CDH23: variants seen among roughly 807,000 people sequenced by gnomAD.
CDH23 encodes the protein cadherin related 23.
CDH23 carries 189 observed loss-of-function variants against 317.1 expected under a neutral mutation model. That is an observed-to-expected ratio of 0.60 (90% CI 0.53 to 0.67). CDH23 has a LOEUF of 0.67. Ranked by LOEUF, CDH23 falls within the 30% of genes least tolerant of loss-of-function variation. The pLI is 0.00. For missense variants in CDH23, 4,401 were observed against 4,592.4 expected (o/e 0.96, Z 1.20); for synonymous variants, 1,839 against 1,876.8 (o/e 0.98, Z 0.52).
intron 3 of CDH23, among the ~76,000 whole-genome samples, chr10:71,483,943 C>T (rs1449192567): frequency 6.6e-6 from 1 of 152,206 alleles, no homozygotes; most frequent in African/African-American, 2.4e-5. Context: ...CACATTTTTA[C>T]ATCCTTGCTG....
chr10:71,559,022 A>G (rs1856998545), intron 6 of CDH23, among the ~76,000 whole-genome samples: 1 of 152,120 alleles, frequency 6.6e-6, no homozygotes, highest in South Asian at 2.1e-4. Flanking sequence ...TGGGGAAGGG[A>G]TCTGGGAGTC....
At chr10:71,579,374 C>T (rs1858465978) in intron 9 of CDH23, among the ~76,000 whole-genome samples, 1 of 152,102 alleles carries the variant, frequency 6.6e-6, no homozygotes, top group Admixed American at 6.5e-5. Context: ...TGGGTTTGGG[C>T]CTCTGCACCA....
intron 38 of CDH23, among the ~76,000 whole-genome samples, chr10:71,766,217 A>G (rs969309436): frequency 6.6e-6 from 1 of 152,234 alleles, no homozygotes; most frequent in Non-Finnish European, 1.5e-5. Context: ...GGAGACCGGG[A>G]AAAGTGGGTG....
intron 3 of CDH23, among the ~76,000 whole-genome samples, chr10:71,454,696 A>C (rs968724457): frequency 6.6e-6 from 1 of 152,130 alleles, no homozygotes; most frequent in Admixed American, 6.5e-5. Flanking sequence ...AGTCTCCAAA[A>C]AGAGGAGGGG....
intron 60 of CDH23, 47 bp downstream of exon 60, chr10:71,808,054 T>C: frequency 1.3e-6 from 2 of 1,554,340 alleles, no homozygotes; most frequent in South Asian, 2.4e-5. Flanking sequence ...GACCTCTCAG[T>C]CACTGCATGG....
chr10:71,761,561 C>T (rs1182256778), intron 38 of CDH23: 7 of 1,521,614 alleles, frequency 4.6e-6, no homozygotes, highest in South Asian at 2.5e-5. Context: ...GGCAGCCCTC[C>T]ACACACGCCA....
intron 6 of CDH23, among the ~76,000 whole-genome samples, chr10:71,565,699 T>C (rs903695325): frequency 1.3e-5 from 2 of 152,222 alleles, no homozygotes; most frequent in African/African-American, 4.8e-5. Context: ...TGTGCTAGAA[T>C]GTTTACACTC....
At chr10:71,478,074 C>T (rs1247544227) in intron 3 of CDH23, among the ~76,000 whole-genome samples, 1 of 152,174 alleles carries the variant, frequency 6.6e-6, no homozygotes, top group African/African-American at 2.4e-5. Context: ...AACTAGTCTC[C>T]TTGCTTTCAG....
chr10:71,626,745 C>T (rs1007931596), intron 11 of CDH23, among the ~76,000 whole-genome samples: 17 of 152,234 alleles, frequency 1.1e-4, no homozygotes, highest in Admixed American at 7.2e-4. Context: ...GGTTCGTACT[C>T]TCGGATGTAC....
chr10:71,739,925 G>A lies in CDH23; in HGVS notation c.4488+153G>A, dbSNP rs536587134. On this transcript the variant is annotated intron_variant, in intron 36 of 69. Transcript: ENST00000224721. ...TAACATGGGGCCAGCTGCACCCATC[G>A]GGGCCAAGAGCACAGTGAGGCTGAC... 2.4e-4 allele frequency among the ~76,000 whole-genome samples: 37 copies of A among 152,300 alleles called. No homozygotes were observed. In the South Asian group the frequency reaches 5.8e-3, roughly 24 times the overall value.
intron 14 of CDH23, among the ~76,000 whole-genome samples, chr10:71,673,981 TG>T (rs1281448566): frequency 6.6e-6 from 1 of 151,816 alleles, no homozygotes; most frequent in South Asian, 2.1e-4. Flanking sequence ...CTGGCTGGGG[TG>T]GTGGCGGGGA....
At chr10:71,685,056 A>T (rs569396119) in intron 18 of CDH23, among the ~76,000 whole-genome samples, 6 of 152,124 alleles carry the variant, frequency 3.9e-5, no homozygotes, top group Non-Finnish European at 7.4e-5. Flanking sequence ...AATGACTCCC[A>T]TGTTGACATG....
intron 8 of CDH23, among the ~76,000 whole-genome samples, chr10:71,575,270 A>G (rs1858107559): frequency 1.3e-5 from 2 of 152,154 alleles, no homozygotes; most frequent in Admixed American, 6.5e-5. Context: ...CTGAGTTGTC[A>G]TCAGATGCAC....
chr10:71,721,829 G>T (rs1049215696), intron 28 of CDH23, among the ~76,000 whole-genome samples: 5 of 152,204 alleles, frequency 3.3e-5, no homozygotes, highest in African/African-American at 1.2e-4. Context: ...ACAGCCCTCT[G>T]CTGTCCCTGC....
At chr10:71,461,093 C>G (rs1278362102) in intron 3 of CDH23, among the ~76,000 whole-genome samples, 1 of 152,226 alleles carries the variant, frequency 6.6e-6, no homozygotes, top group Non-Finnish European at 1.5e-5. Context: ...TTCAGTTCAG[C>G]TCAACTCTGT....
Position 71,815,067 on chromosome 10 carries a change from T to C in CDH23, c.9854T>C (p.Val3285Ala), listed in dbSNP as rs762447389. ...ELKGPDGIHVVHGSTGTLLAT... is the reference protein window; with the variant it reads ...ELKGPDGIHVAHGSTGTLLAT... Reference sequence around the variant, plus strand: ...AAGGGGCCCGATGGGATCCATGTGGTGCACGGCAGCACGGGCACGCTGCTG... The same window carrying C: ...AAGGGGCCCGATGGGATCCATGTGGCGCACGGCAGCACGGGCACGCTGCTG... Residue 3285 changes from valine (V) to alanine (A), a missense_variant, in exon 70 of 70, where the codon GTG becomes GCG. Coordinates refer to ENST00000224721, the MANE Select transcript of CDH23 (RefSeq NM_022124.6). 2.5e-6 allele frequency: 4 copies of C among 1,612,088 alleles called. No homozygotes were observed. Among genetic ancestry groups the C allele is most frequent in the South Asian group, 2.2e-5 (2 of 90,832 alleles).
At chr10:71,468,985 C>T (rs1851383260) in intron 3 of CDH23, among the ~76,000 whole-genome samples, 3 of 152,186 alleles carry the variant, frequency 2.0e-5, no homozygotes, top group Admixed American at 1.3e-4. Flanking sequence ...GAGGGAGGCT[C>T]AGTAGCTCCC....
At chr10:71,544,693 A>C (rs1265308032) in intron 6 of CDH23, among the ~76,000 whole-genome samples, 1 of 152,214 alleles carries the variant, frequency 6.6e-6, no homozygotes, top group East Asian at 1.9e-4. Flanking sequence ...ACAATCAGGC[A>C]TGAAGTAGAA....
At chr10:71,429,288 G>A (rs1238786213) in intron 1 of CDH23, among the ~76,000 whole-genome samples, 3 of 152,176 alleles carry the variant, frequency 2.0e-5, no homozygotes, top group East Asian at 1.9e-4. Flanking sequence ...GGCTGTGCAT[G>A]GGTTCTGTCT....
Sources: allele counts gnomAD v4.1 joint callset (sites outside exome capture counted in the v4.1 genomes callset), GRCh38; gene constraint gnomAD v4.1.1; transcripts MANE v1.5; gene names NCBI Gene and HGNC (gene_info 2026-07-23, HGNC 2026-07-21).